KCNQ1: variants seen among roughly 807,000 people sequenced by gnomAD.
The protein encoded by KCNQ1 is potassium voltage-gated channel subfamily KQT member 1.
In KCNQ1, 49 loss-of-function variants were observed where a neutral mutation model predicts 72.4. The observed-to-expected ratio is 0.68, with a 90% CI of 0.54 to 0.86. The LOEUF is 0.86. KCNQ1 is among the 40% of genes least tolerant of loss of function. KCNQ1 has a pLI of 0.00. For missense variants in KCNQ1, 790 were observed against 945.1 expected (o/e 0.84, Z 2.15); for synonymous variants, 450 against 412.6 (o/e 1.09, Z -1.10).
rs141449335 is a variant in KCNQ1, at chr11:2,457,804, T to C, written c.386+12320T>C. On this transcript the variant is annotated intron_variant, in intron 1 of 15. Transcript: ENST00000155840. This position sits in a 1 kb window ranked among gnomAD's most constrained non-coding sequence, Gnocchi z 5.0. ...AAAAGTTGAATAAAATGGAAACTTTTGGCATGGGAGAAAAAAAAAAAAAAC... is the reference window on the plus strand; with the variant it reads ...AAAAGTTGAATAAAATGGAAACTTTCGGCATGGGAGAAAAAAAAAAAAAAC... Among the ~76,000 whole-genome samples the C allele has an allele frequency of 6.7e-6, 1 of 149,880 alleles. No individual in the cohort carries two copies. Among genetic ancestry groups the C allele is most frequent in the South Asian group, 2.1e-4 (1 of 4,734 alleles).
At chr11:2,789,646 A>T (rs547469786) in intron 15 of KCNQ1, among the ~76,000 whole-genome samples, 1 of 152,306 alleles carries the variant, frequency 6.6e-6, no homozygotes, top group Admixed American at 6.5e-5. Flanking sequence ...GCGCTCCGGG[A>T]TGCTGGGGCC....
chr11:2,480,858 G>C (rs1846640196), intron 1 of KCNQ1, among the ~76,000 whole-genome samples: 1 of 152,190 alleles, frequency 6.6e-6, no homozygotes, highest in Admixed American at 6.5e-5. Context: ...GCAGAAAACA[G>C]GCATGGTGTC....
At chr11:2,763,753 G>A (rs960387342) in intron 11 of KCNQ1, among the ~76,000 whole-genome samples, 2 of 151,566 alleles carry the variant, frequency 1.3e-5, no homozygotes, top group African/African-American at 4.9e-5. Flanking sequence ...CTACAGATGG[G>A]GTCTCACTAT....
chr11:2,631,234 G>T, intron 10 of KCNQ1: 1 of 398,436 alleles, frequency 2.5e-6, no homozygotes, highest in Non-Finnish European at 4.4e-6. Context: ...TAACTCTCCT[G>T]ATGGTGTCCC....
intron 10 of KCNQ1, chr11:2,631,802 G>A (rs1849357038): frequency 2.5e-6 from 1 of 398,478 alleles, no homozygotes; most frequent in African/African-American, 2.1e-5. Flanking sequence ...GGTCCTTGGT[G>A]GCCAAGGCTG....
In KCNQ1 at chr11:2,613,241, GA is replaced by G. The variant is rs1389372377; in HGVS notation, c.1393+24388del. On this transcript the variant is annotated intron_variant, in intron 10 of 15. Coordinates refer to ENST00000155840, the MANE Select transcript of KCNQ1 (RefSeq NM_000218.3). This position sits in a 1 kb window ranked among gnomAD's most constrained non-coding sequence, Gnocchi z 4.8. ...GCAAAAGGTCTCACAGTCAGCCAAG[GA>G]TAAGTAGATAGCAGGAAACCTCTCT... The G allele has an allele frequency of 5.0e-6, 2 of 398,378 alleles. No individual in the cohort carries two copies. Among genetic ancestry groups the G allele is most frequent in the African/African-American group, 2.1e-5 (1 of 48,564 alleles). 24.7% of individuals were successfully genotyped at this position (398,378 alleles called of 1,614,324 possible).
intron 2 of KCNQ1, among the ~76,000 whole-genome samples, chr11:2,539,464 G>A (rs1445671480): frequency 3.3e-5 from 5 of 152,184 alleles, no homozygotes; most frequent in Non-Finnish European, 7.3e-5. Flanking sequence ...ACATCTTTGC[G>A]GGAGCTCTGG....
intron 11 of KCNQ1, chr11:2,681,186 G>T (rs1590028367): frequency 2.5e-6 from 1 of 398,626 alleles, no homozygotes; most frequent in East Asian, 3.6e-5. Context: ...TTTGGAAAAA[G>T]TCATTTTTGC....
At position 2,516,439 on chromosome 11, in the gene KCNQ1, G is replaced by A. The variant is rs1044370612; in HGVS notation, c.387-11489G>A. 6.6e-6 allele frequency among the ~76,000 whole-genome samples: 1 copy of A among 152,120 alleles called. No individual in the cohort carries two copies. The highest frequency in any genetic ancestry group is 1.5e-5 in the Non-Finnish European group (1 of 68,022). On this transcript the variant is annotated intron_variant, in intron 1 of 15. Coordinates refer to ENST00000155840, the MANE Select transcript of KCNQ1 (RefSeq NM_000218.3). This position sits in a 1 kb window ranked among gnomAD's most constrained non-coding sequence, Gnocchi z 7.0. ...GGGGATGTGGCGGCCAGCTCTGGGG[G>A]CACACGTTCCTGTTTGAATTCTCAA...
rs1014798256 is a variant in KCNQ1 at position 2,588,434 on chromosome 11, C to G, written c.1252-279C>G. On this transcript the variant is annotated intron_variant, in intron 9 of 15. Transcript: ENST00000155840. This position sits in a 1 kb window ranked among gnomAD's most constrained non-coding sequence, Gnocchi z 5.6. ...TGGTCACAGCCCCTGTTACCACCTC[C>G]ACTGGCACCATCTTGTACGTTTATC... 2.0e-5 allele frequency among the ~76,000 whole-genome samples: 3 copies of G among 152,222 alleles called. No homozygotes were observed. The highest frequency in any genetic ancestry group is 1.3e-4 in the Admixed American group (2 of 15,288).
At chr11:2,574,617 C>T (rs963252937) in intron 6 of KCNQ1, among the ~76,000 whole-genome samples, 1 of 152,218 alleles carries the variant, frequency 6.6e-6, no homozygotes, top group Non-Finnish European at 1.5e-5. Flanking sequence ...GGTGAGAAGC[C>T]TCCCGGTGGC....
chr11:2,470,117 C>T (rs747204716), intron 1 of KCNQ1, among the ~76,000 whole-genome samples: 5 of 152,218 alleles, frequency 3.3e-5, no homozygotes, highest in African/African-American at 4.8e-5. Context: ...CATGTCACCA[C>T]GCCCGGCTGA....
intron 12 of KCNQ1, chr11:2,771,636 C>T (rs1316236785): frequency 6.6e-6 from 1 of 152,214 alleles, no homozygotes; most frequent in Non-Finnish European, 1.5e-5. Flanking sequence ...TGTCAGTGAC[C>T]TGTGTTCCTG....
At chr11:2,622,321 C>T (rs1476685363) in intron 10 of KCNQ1, 6 of 398,146 alleles carry the variant, frequency 1.5e-5, no homozygotes, top group Non-Finnish European at 4.4e-6. Context: ...TCTCCTATAA[C>T]AATTTTTAAA....
At chr11:2,452,359 A>G (rs1488529324) in intron 1 of KCNQ1, among the ~76,000 whole-genome samples, 1 of 152,150 alleles carries the variant, frequency 6.6e-6, no homozygotes, top group Admixed American at 6.5e-5. Flanking sequence ...GCATGGAGAC[A>G]GCCCAGCTGC....
chr11:2,623,021 T>G lies in KCNQ1; in HGVS notation c.1393+34167T>G. ...CTCATCTTGAACTGTAATCCCCATGTGTCAGGGGAGGGGCCTGGTGGGGGG... is the reference window on the plus strand; with the variant it reads ...CTCATCTTGAACTGTAATCCCCATGGGTCAGGGGAGGGGCCTGGTGGGGGG... On this transcript the variant is annotated intron_variant, in intron 10 of 15. Coordinates refer to ENST00000155840, the MANE Select transcript of KCNQ1 (RefSeq NM_000218.3). The surrounding 1 kb of genome is among the most constrained non-coding windows in gnomAD (Gnocchi z 5.2). 1 of 398,672 alleles carries G rather than the reference T, an allele frequency of 2.5e-6. No homozygotes were observed. Among genetic ancestry groups the G allele is most frequent in the Non-Finnish European group, 4.4e-6 (1 of 226,136 alleles). The allele number at this position is 398,672 out of a possible 1,614,324, so 24.7% of individuals were successfully genotyped here.
chr11:2,465,731 G>A (rs1245483887), intron 1 of KCNQ1, among the ~76,000 whole-genome samples: 1 of 152,226 alleles, frequency 6.6e-6, no homozygotes, highest in African/African-American at 2.4e-5. Flanking sequence ...GGTTTACGGA[G>A]GAGTGGCCTT....
chr11:2,634,976 T>C (rs1417511721), intron 10 of KCNQ1: 2 of 152,376 alleles, frequency 1.3e-5, no homozygotes, highest in Non-Finnish European at 1.5e-5. Flanking sequence ...TGCATAAATG[T>C]CTTCTTTTGA....
chr11:2,587,801 G>A lies in KCNQ1; in HGVS notation c.1251+109G>A, dbSNP rs1163562496. On this transcript the variant is annotated intron_variant, in intron 9 of 15. Transcript: ENST00000155840. ...CTCACCATGCATTTGGCTTGGTACA[G>A]CCTGTGTCAGGGAGTCAGCATCGTT... The A allele has an allele frequency of 2.7e-6, 4 of 1,477,248 alleles. No individual in the cohort carries two copies. The African/African-American group carries it at 4.2e-5, about 15-fold the overall frequency. The allele number at this position is 1,477,248 out of a possible 1,614,324, so 91.5% of individuals were successfully genotyped here.
Sources: gnomAD v4.1 joint callset for allele counts (sites outside exome capture counted in the v4.1 genomes callset) on GRCh38, gnomAD v4.1.1 for gene constraint, Gnocchi (gnomAD v3.1) non-coding constraint, MANE v1.5 for transcripts, NCBI Gene and HGNC (gene_info 2026-07-23, HGNC 2026-07-21) for gene names.